Variants in SLC7A2 observed in about 807,000 individuals in gnomAD.
SLC7A2 encodes cationic amino acid transporter 2.
A neutral mutation model predicts 58.9 loss-of-function variants in SLC7A2; 48 were observed. The ratio of observed to expected loss-of-function variants is 0.82; its 90% confidence interval spans 0.65 to 1.04. The LOEUF (loss-of-function observed/expected upper bound fraction) is 1.04. Ranked by LOEUF, SLC7A2 falls within the 50% of genes least tolerant of loss-of-function variation. The probability of loss-of-function intolerance (pLI) is 0.00; values close to 1 mark genes in which losing one functional copy is unlikely to be tolerated. For synonymous variants in SLC7A2, 363 were observed against 314.5 expected (o/e 1.15, Z -1.63); for missense variants, 1,029 against 818.8 (o/e 1.26, Z -3.13).
chr8:17,547,785 A>AGTGTGTGTGTGTGTGTGTGT (rs35052068), intron 4 of SLC7A2, among the ~76,000 whole-genome samples: 80 of 144,810 alleles, frequency 5.5e-4, no homozygotes, highest in Non-Finnish European at 2.7e-4. Context: ...GGCACAAAAG[A>AGTGTGTGTGTGTGTGTGTGT]GTGTGTGTGT....
At position 17,544,547 on chromosome 8, in the gene SLC7A2, A is replaced by T; in HGVS notation, c.473A>T (p.Tyr158Phe). 1 of 1,614,058 alleles carries T rather than the reference A, an allele frequency of 6.2e-7. No individual in the cohort carries two copies. The highest frequency in any genetic ancestry group is 8.5e-7 in the Non-Finnish European group (1 of 1,179,946). Residue 158 changes from tyrosine to phenylalanine, a missense_variant, in exon 4 of 13, where the codon TAC becomes TTC. By Grantham distance (22) the Tyr-to-Phe change is conservative (BLOSUM62 3). Transcript: ENST00000494857. ...QFLRTYFRMN[Y>F]TGLAEYPDFF... is the part of the protein sequence containing the mutation. ...TTGAGGACATACTTCAGAATGAATT[A>T]CACTGGTCTTGCAGAATATCCCGAT...
rs1803013132 is a variant in SLC7A2 at position 17,561,960 on chromosome 8, C to G, written c.1521C>G (p.Gly507=). 1 of 1,613,962 alleles carries G rather than the reference C, an allele frequency of 6.2e-7. No individual in the cohort carries two copies. Among genetic ancestry groups the G allele is most frequent in the Admixed American group, 1.7e-5 (1 of 59,996 alleles). ...LVGFLAFLVL[G]LSVLTTYGVH... is the part of the protein sequence containing the mutation. The stretch of plus-strand genomic sequence containing the variant: ...CCCCTGCAGCTTTCCTCGTGTTGGG[C>G]CTGAGTGTCTTGACCACTTACGGAG... Residue 507 remains glycine, a synonymous_variant, in exon 11 of 13, where the codon GGC becomes GGG. Transcript: ENST00000494857.
chr8:17,569,103 C>A lies in SLC7A2; in HGVS notation c.*3957C>A, dbSNP rs1042532399. On this transcript the variant is annotated 3_prime_UTR_variant, in exon 13 of 13. Coordinates refer to ENST00000494857, the MANE Select transcript of SLC7A2 (RefSeq NM_001370338.1). Reference sequence around the variant, plus strand: ...CATGATGACAGAGGGAGCACTTGAGCCTTGCCTTCCCTCCTCTTAAATCAG... The same window carrying A: ...CATGATGACAGAGGGAGCACTTGAGACTTGCCTTCCCTCCTCTTAAATCAG... 12 of 152,146 alleles carry A rather than the reference C, an allele frequency of 7.9e-5. No individual in the cohort carries two copies. The highest frequency in any genetic ancestry group is 2.9e-4 in the African/African-American group (12 of 41,438). The allele number at this position is 152,146 out of a possible 1,614,324, so 9.4% of individuals were successfully genotyped here.
intron 2 of SLC7A2, among the ~76,000 whole-genome samples, chr8:17,536,946 G>C (rs1801692081): frequency 6.6e-6 from 1 of 152,226 alleles, no homozygotes; most frequent in Non-Finnish European, 1.5e-5. Context: ...AGCGCAGCAA[G>C]GCCTGGGGGG....
chr8:17,529,691 T>C (rs1801363635), intron 2 of SLC7A2, among the ~76,000 whole-genome samples: 1 of 152,136 alleles, frequency 6.6e-6, no homozygotes, highest in African/African-American at 2.4e-5. Context: ...TCCACCACCA[T>C]GCCCAGCTAA....
Position 17,569,626 on chromosome 8 carries a change from G to A in SLC7A2, c.*4480G>A, listed in dbSNP as rs948107421. ...CCGGTTTCTGGATTTTGAGAAGCCT[G>A]ATCTGTTATTGTTGTGGTTGTTGGT... On this transcript the variant is annotated 3_prime_UTR_variant, in exon 13 of 13. Transcript: ENST00000494857. 1 of 152,080 alleles carries A rather than the reference G, an allele frequency of 6.6e-6. No individual in the cohort carries two copies. The highest frequency in any genetic ancestry group is 2.4e-5 in the African/African-American group (1 of 41,394). 9.4% of individuals were successfully genotyped at this position (152,080 alleles called of 1,614,324 possible). A position where few individuals can be genotyped will look rare whatever the true frequency, so the allele number is the denominator to read the frequency against.
intron 11 of SLC7A2, among the ~76,000 whole-genome samples, chr8:17,562,422 C>G (rs556723040): frequency 6.6e-6 from 1 of 152,044 alleles, no homozygotes; most frequent in Admixed American, 6.5e-5. Context: ...CCAGGATGGT[C>G]TCGAACTCCT....
In SLC7A2 at chr8:17,570,108, G is replaced by A. The variant is rs1416511815; in HGVS notation, c.*4962G>A. The A allele has an allele frequency of 6.6e-6, 1 of 152,162 alleles. No homozygotes were observed. The highest frequency in any genetic ancestry group is 2.4e-5 in the African/African-American group (1 of 41,436). The allele number at this position is 152,162 out of a possible 1,614,324, so 9.4% of individuals were successfully genotyped here. On this transcript the variant is annotated 3_prime_UTR_variant, in exon 13 of 13. Transcript: ENST00000494857. ...TCCTGAAGTAGCATAGTGGGACCTG[G>A]TCTACAATTTATGCACATGCACTGA...
intron 8 of SLC7A2, among the ~76,000 whole-genome samples, chr8:17,557,226 A>G (rs1486154361): frequency 6.6e-6 from 1 of 152,248 alleles, no homozygotes; most frequent in Non-Finnish European, 1.5e-5. Flanking sequence ...AACATCATAT[A>G]AATGGAATGT....
chr8:17,561,916 A>G (rs1803009487), intron 10 of SLC7A2, 28 bp from the exon 11 acceptor site: 8 of 1,611,362 alleles, frequency 5.0e-6, no homozygotes, highest in South Asian at 1.1e-5. Flanking sequence ...CAGTGTGCTG[A>G]CTCTGTTATC....
chr8:17,570,247 G>A lies in SLC7A2; in HGVS notation c.*5101G>A, dbSNP rs142358950. The A allele has an allele frequency of 0.023, 3,496 of 152,198 alleles. 97 individuals carry two copies. Among genetic ancestry groups the A allele is most frequent in the Middle Eastern group, 0.12 (36 of 294 alleles). 9.4% of individuals were successfully genotyped at this position (152,198 alleles called of 1,614,324 possible). A position where few individuals can be genotyped will look rare whatever the true frequency, so the allele number is the denominator to read the frequency against. On this transcript the variant is annotated 3_prime_UTR_variant, in exon 13 of 13. Coordinates refer to ENST00000494857, the MANE Select transcript of SLC7A2 (RefSeq NM_001370338.1). ...GATTAATGGGCCCTTTATCTTTGGT[G>A]TCCCCTAGGAGTGTCCAGTTGTTTT... is the stretch of plus-strand genomic sequence containing the variant.
intron 1 of SLC7A2, among the ~76,000 whole-genome samples, chr8:17,499,759 G>C (rs991841923): frequency 3.9e-4 from 59 of 152,008 alleles, no homozygotes; most frequent in African/African-American, 1.4e-3. Flanking sequence ...GTCTAAATGG[G>C]CTTGAAAATC....
Position 17,564,932 on chromosome 8 carries a change from T to G in SLC7A2, c.1781-18T>G. On this transcript the variant is annotated intron_variant, in intron 12 of 12. Transcript: ENST00000494857. ...GACATACCTGAAACATTGATTTTTTTTTTTCCTGCCCCAACAGGCTTCCTG... is the reference window on the plus strand; with the variant it reads ...GACATACCTGAAACATTGATTTTTTGTTTTCCTGCCCCAACAGGCTTCCTG... The G allele has an allele frequency of 6.4e-7, 1 of 1,552,262 alleles. No homozygotes were observed. The highest frequency in any genetic ancestry group is 8.7e-7 in the Non-Finnish European group (1 of 1,153,550).
At chr8:17,537,672 G>A (rs1303153831) in intron 2 of SLC7A2, among the ~76,000 whole-genome samples, 2 of 152,134 alleles carry the variant, frequency 1.3e-5, no homozygotes, top group African/African-American at 2.4e-5. Context: ...CACATATAAG[G>A]TGACAGGTCC....
chr8:17,512,790 T>TTTCCCC lies in SLC7A2; in HGVS notation c.-23+10494_-23+10499dup, dbSNP rs1800657629. Among the ~76,000 whole-genome samples the TTTCCCC allele has an allele frequency of 2.0e-5, 3 of 152,298 alleles. No individual in the cohort carries two copies. In the South Asian group the frequency reaches 6.2e-4, roughly 32 times the overall value. ...TCTGTACCGTTTAATCAGTTTCCCG[T>TTTCCCC]TTCCCCTTCCCTTCCGCCCTGGCCA... On this transcript the variant is annotated intron_variant, in intron 2 of 12. Coordinates refer to ENST00000494857, the MANE Select transcript of SLC7A2 (RefSeq NM_001370338.1).
intron 2 of SLC7A2, among the ~76,000 whole-genome samples, chr8:17,512,330 TG>T (rs1800638213): frequency 1.3e-5 from 2 of 152,140 alleles, no homozygotes; most frequent in Admixed American, 1.3e-4. Flanking sequence ...GTGGATCACC[TG>T]AGGTCAGGAG....
chr8:17,554,062 G>A (rs1294629962), intron 7 of SLC7A2, among the ~76,000 whole-genome samples: 1 of 152,022 alleles, frequency 6.6e-6, no homozygotes, highest in Non-Finnish European at 1.5e-5. Flanking sequence ...CAAGATCAGG[G>A]TGTATGAGAA....
chr8:17,496,879 C>A (rs919953462), upstream of SLC7A2, among the ~76,000 whole-genome samples: 4 of 151,920 alleles, frequency 2.6e-5, no homozygotes, highest in African/African-American at 9.7e-5. Flanking sequence ...CCGGGGCTAG[C>A]GCCCGCCCAC....
rs7823792 is a variant in SLC7A2 at position 17,565,662 on chromosome 8, G to A, written c.*516G>A. ...AATGCAGTTACTCATCATGGTGTCT[G>A]TCACTGGTTAGGGGTAAGATGAGGG... is the stretch of plus-strand genomic sequence containing the variant. On this transcript the variant is annotated 3_prime_UTR_variant, in exon 13 of 13. Coordinates refer to ENST00000494857, the MANE Select transcript of SLC7A2 (RefSeq NM_001370338.1). The A allele has an allele frequency of 0.1, 15,882 of 152,616 alleles. 1,631 individuals are homozygous for A. Among genetic ancestry groups the A allele is most frequent in the African/African-American group, 0.26 (10,815 of 41,500 alleles). 9.5% of individuals were successfully genotyped at this position (152,616 alleles called of 1,614,324 possible).
Sources: allele counts gnomAD v4.1 joint callset (sites outside exome capture counted in the v4.1 genomes callset), GRCh38; gene constraint gnomAD v4.1.1; transcripts MANE v1.5; gene names NCBI Gene and HGNC (gene_info 2026-07-23, HGNC 2026-07-21).